ZNF552: variants seen among roughly 807,000 people sequenced by gnomAD.
ZNF552 encodes zinc finger protein 552.
ZNF552 carries 2 observed loss-of-function variants against 7.2 expected under a neutral mutation model. The ratio of observed to expected loss-of-function variants is 0.28; its 90% CI spans 0.11 to 0.88. The LOEUF is 0.88. Ranked by LOEUF, ZNF552 falls within the 40% of genes least tolerant of loss-of-function variation. The probability of loss-of-function intolerance (pLI) is 0.60; values close to 1 mark genes in which losing one functional copy is unlikely to be tolerated. For missense variants in ZNF552, 421 were observed against 493.4 expected, an observed-to-expected ratio of 0.85 and a Z score of 1.39; for synonymous variants, 173 against 176.5, an observed-to-expected ratio of 0.98 and a Z score of 0.16.
Position 57,807,173 on chromosome 19 carries a change from G to C in ZNF552, c.*867C>G, listed in dbSNP as rs999347088. ...GAGTAAATCAATGGTTGTCTGCATA[G>C]AGAAAAACTTTATAAAGGCTCCAGG... On this transcript the variant is annotated 3_prime_UTR_variant, in exon 3 of 3. Transcript: ENST00000391701. 7 of 152,126 alleles carry C rather than the reference G, an allele frequency of 4.6e-5. No individual in the cohort carries two copies. The highest frequency in any genetic ancestry group is 1.7e-4 in the African/African-American group (7 of 41,436). The allele number at this position is 152,126 out of a possible 1,614,324, so 9.4% of individuals were successfully genotyped here.
rs896376651 is a variant in ZNF552, at chr19:57,807,398, A to T, written c.*642T>A. 6.6e-6 allele frequency: 1 copy of T among 152,124 alleles called. No homozygotes were observed. Among genetic ancestry groups the T allele is most frequent in the African/African-American group, 2.4e-5 (1 of 41,414 alleles). 9.4% of individuals were successfully genotyped at this position (152,124 alleles called of 1,614,324 possible). ...AGGGTGAAACCCCATCTCTACTAAAAATACAAAAAAGGTAGGAGTGGTGGT... is the reference window on the plus strand; with the variant it reads ...AGGGTGAAACCCCATCTCTACTAAATATACAAAAAAGGTAGGAGTGGTGGT... On this transcript the variant is annotated 3_prime_UTR_variant, in exon 3 of 3. Transcript: ENST00000391701.
At chr19:57,809,895 G>C (rs1374493209) in intron 2 of ZNF552, among the ~76,000 whole-genome samples, 1 of 152,066 alleles carries the variant, frequency 6.6e-6, no homozygotes, top group Non-Finnish European at 1.5e-5. Flanking sequence ...AAGGCAAAGG[G>C]ATCACTCAGG....
At chr19:57,811,103 G>A (rs1425602822) in intron 2 of ZNF552, among the ~76,000 whole-genome samples, 1 of 152,026 alleles carries the variant, frequency 6.6e-6, no homozygotes, top group Admixed American at 6.5e-5. Context: ...ACTGGTGGCG[G>A]CAGGGGGAAG....
In ZNF552 at chr19:57,808,567, GTC is replaced by G; in HGVS notation, c.695_696del (p.Arg232ThrfsTer12). On this transcript the variant is annotated frameshift_variant, in exon 3 of 3. Transcript: ENST00000391701. LOFTEE classifies it low-confidence loss of function (END_TRUNC). ...STKDILSQHE[R>X]LLPTEEPSVW... is the part of the protein sequence containing the mutation. ...ACAGAAGGTTCTTCTGTAGGGAGCA[GTC>G]TCTCGTGCTGACTGAGTATATCTTT... 1 of 1,614,178 alleles carries G rather than the reference GTC, an allele frequency of 6.2e-7. No homozygotes were observed. Among genetic ancestry groups the G allele is most frequent in the South Asian group, 1.1e-5 (1 of 91,086 alleles).
At chr19:57,809,749 A>G (rs1248417551) in intron 2 of ZNF552, among the ~76,000 whole-genome samples, 2 of 152,166 alleles carry the variant, frequency 1.3e-5, no homozygotes, top group African/African-American at 2.4e-5. Context: ...TGTAAACCCA[A>G]TGTAGGAAGA....
chr19:57,810,933 T>C (rs901610578), intron 2 of ZNF552, among the ~76,000 whole-genome samples: 1 of 152,282 alleles, frequency 6.6e-6, no homozygotes, highest in African/African-American at 2.4e-5. Flanking sequence ...GAGATGTTTA[T>C]GTATATGCAC....
At chr19:57,811,098 T>G (rs1341680796) in intron 2 of ZNF552, among the ~76,000 whole-genome samples, 1 of 152,020 alleles carries the variant, frequency 6.6e-6, no homozygotes, top group East Asian at 1.9e-4. Context: ...CGGAGACTGG[T>G]GGCGGCAGGG....
At position 57,808,299 on chromosome 19, in the gene ZNF552, C is replaced by T. The variant is rs1482708703; in HGVS notation, c.965G>A (p.Arg322Lys). Residue 322 changes from arginine (R) to lysine (K), a missense_variant, in exon 3 of 3, where the codon AGG becomes AAG. Coordinates refer to ENST00000391701, the MANE Select transcript of ZNF552 (RefSeq NM_024762.3). ...CCCACAATCACTGCATTCATATGGC[C>T]TTTCTCCAGTGTGAACTCTCTGGTG... ...IAHQRVHTGE[R>K]PYECSDCGKS... 1 of 1,613,762 alleles carries T rather than the reference C, an allele frequency of 6.2e-7. No individual in the cohort carries two copies. The highest frequency in any genetic ancestry group is 8.5e-7 in the Non-Finnish European group (1 of 1,179,990).
chr19:57,808,460 A>T lies in ZNF552; in HGVS notation c.804T>A (p.Tyr268Ter). 6.2e-7 allele frequency: 1 copy of T among 1,613,936 alleles called. No homozygotes were observed. The highest frequency in any genetic ancestry group is 8.5e-7 in the Non-Finnish European group (1 of 1,179,910). Reference sequence around the variant, plus strand: ...ATAATTTCCCACATATCCCACACGTATAAGGTTTTTCTCTAGTGTGAACTC... The same window carrying T: ...ATAATTTCCCACATATCCCACACGTTTAAGGTTTTTCTCTAGTGTGAACTC... ...HQGVHTREKP[Y>*]TCGICGKLFN... The change falls in exon 3 of 3, where the codon TAT (tyrosine) becomes TAA (stop). Residue 268 changes from tyrosine to a stop codon, truncating the protein, a stop_gained. Transcript: ENST00000391701. LOFTEE classifies it low-confidence loss of function (END_TRUNC).
chr19:57,808,812 A>G lies in ZNF552; in HGVS notation c.452T>C (p.Val151Ala), dbSNP rs761600614. The G allele has an allele frequency of 9.3e-6, 15 of 1,613,876 alleles. No homozygotes were observed. Among genetic ancestry groups the G allele is most frequent in the Non-Finnish European group, 4.2e-6 (5 of 1,180,018 alleles). Residue 151 changes from valine to alanine, a missense_variant, in exon 3 of 3, where the codon GTT becomes GCT. Coordinates refer to ENST00000391701, the MANE Select transcript of ZNF552 (RefSeq NM_024762.3). ...HIGEKPYRGS[V>A]EEALFAKRCK... ...CCTCTTCGCAAACAACGCCTCCTCA[A>G]CACTCCCTCTGTAGGGTTTCTCTCC...
Position 57,808,613 on chromosome 19 carries a change from G to A in ZNF552, c.651C>T (p.Cys217=), listed in dbSNP as rs1987789930. 2 of 1,614,160 alleles carry A rather than the reference G, an allele frequency of 1.2e-6. No individual in the cohort carries two copies. Among genetic ancestry groups the A allele is most frequent in the Non-Finnish European group, 1.7e-6 (2 of 1,180,034 alleles). The change falls in exon 3 of 3, where the codon TGC becomes TGT. Residue 217 remains cysteine, a synonymous_variant. Coordinates refer to ENST00000391701, the MANE Select transcript of ZNF552 (RefSeq NM_024762.3). The part of the protein sequence containing the change: ...GGKSHYSCGG[C]MKHFSTKDIL... The stretch of plus-strand genomic sequence containing the variant: ...TATCTTTGGTGCTAAAATGTTTCAT[G>A]CATCCTCCACAGCTGTAATGGCTTT...
intron 2 of ZNF552, among the ~76,000 whole-genome samples, chr19:57,811,478 T>C (rs937558340): frequency 2.0e-5 from 3 of 152,068 alleles, no homozygotes; most frequent in Non-Finnish European, 4.4e-5. Flanking sequence ...TCTTTCTCTA[T>C]ATTTTGGATC....
At position 57,807,278 on chromosome 19, in the gene ZNF552, G is replaced by A. The variant is rs1987758980; in HGVS notation, c.*762C>T. On this transcript the variant is annotated 3_prime_UTR_variant, in exon 3 of 3. Coordinates refer to ENST00000391701, the MANE Select transcript of ZNF552 (RefSeq NM_024762.3). The stretch of plus-strand genomic sequence containing the variant: ...TTCATGGGATTATAAGAAAATTCAA[G>A]CCAGGAGCAGTGGCTCACGCCTGCA... 6.6e-6 allele frequency: 1 copy of A among 152,216 alleles called. No homozygotes were observed. Among genetic ancestry groups the A allele is most frequent in the South Asian group, 2.1e-4 (1 of 4,834 alleles). The allele number at this position is 152,216 out of a possible 1,614,324, so 9.4% of individuals were successfully genotyped here.
chr19:57,812,817 C>A (rs1375547565), intron 2 of ZNF552, among the ~76,000 whole-genome samples: 2 of 152,310 alleles, frequency 1.3e-5, no homozygotes, highest in East Asian at 3.9e-4. Flanking sequence ...AATCCACCTA[C>A]CTTGGCCTCC....
At chr19:57,811,983 C>T (rs1257463842) in intron 2 of ZNF552, among the ~76,000 whole-genome samples, 18 of 145,776 alleles carry the variant, frequency 1.2e-4, no homozygotes, top group African/African-American at 2.0e-4. Flanking sequence ...GAGCCAAGAT[C>T]GCACCACTAC....
chr19:57,809,081 A>G lies in ZNF552; in HGVS notation c.183T>C (p.Asp61=), dbSNP rs756213421. Reference sequence around the variant, plus strand: ...TACTCTGCTTAGAAGGTGCCGCCTCATCTTCCACTCCACACCAACAACCTG... The same window carrying G: ...TACTCTGCTTAGAAGGTGCCGCCTCGTCTTCCACTCCACACCAACAACCTG... ...SSLGCWCGVE[D]EAAPSKQSIY... is the part of the protein sequence containing the mutation. The change falls in exon 3 of 3, where the codon GAT becomes GAC. Residue 61 remains aspartate (D), a synonymous_variant. Transcript: ENST00000391701. 10 of 1,537,250 alleles carry G rather than the reference A, an allele frequency of 6.5e-6. No individual in the cohort carries two copies. Among genetic ancestry groups the G allele is most frequent in the Non-Finnish European group, 5.3e-6 (6 of 1,141,890 alleles).
Position 57,814,323 on chromosome 19 carries a change from T to C in ZNF552, c.33+388A>G, listed in dbSNP as rs1987916288. ...TTATTTATTTGGCCTTTAGGAAACT[T>C]TAAAAGCCTGGACTTTGATCCAGTC... is the stretch of plus-strand genomic sequence containing the variant. On this transcript the variant is annotated intron_variant, in intron 1 of 2. Transcript: ENST00000391701. 9.5e-6 allele frequency: 6 copies of C among 633,128 alleles called. No individual in the cohort carries two copies. In the South Asian group the frequency reaches 1.2e-4, roughly 13 times the overall value. 39.2% of individuals were successfully genotyped at this position (633,128 alleles called of 1,614,324 possible).
rs780942650 is a variant in ZNF552 at position 57,808,523 on chromosome 19, T to C, written c.741A>G (p.Lys247=). ...TGAAGCTGTCATATTTGCTAGAGGATTTCCCACATTCACACCACACAGAAG... is the reference window on the plus strand; with the variant it reads ...TGAAGCTGTCATATTTGCTAGAGGACTTCCCACATTCACACCACACAGAAG... ...EEPSVWCECG[K]SSSKYDSFSN... The change falls in exon 3 of 3, where the codon AAA becomes AAG. Residue 247 remains lysine, a synonymous_variant. Coordinates refer to ENST00000391701, the MANE Select transcript of ZNF552 (RefSeq NM_024762.3). 1 of 1,613,990 alleles carries C rather than the reference T, an allele frequency of 6.2e-7. No homozygotes were observed. Among genetic ancestry groups the C allele is most frequent in the Admixed American group, 1.7e-5 (1 of 60,010 alleles).
rs1401349593 is a variant in ZNF552 at position 57,808,635 on chromosome 19, CT to C, written c.628del (p.Ser210AlafsTer9). 20 of 1,614,044 alleles carry C rather than the reference CT, an allele frequency of 1.2e-5. No individual in the cohort carries two copies. The highest frequency in any genetic ancestry group is 1.6e-5 in the Non-Finnish European group (19 of 1,180,040). The part of the protein sequence containing the change: ...ECVSLFHGGK[S>X]HYSCGGCMKH... ...CATGCATCCTCCACAGCTGTAATGGCTTTTTCCCCCATGAAACAGAGACACA... is the reference window on the plus strand; with the variant it reads ...CATGCATCCTCCACAGCTGTAATGGCTTTTCCCCCATGAAACAGAGACACA... On this transcript the variant is annotated frameshift_variant, in exon 3 of 3. Coordinates refer to ENST00000391701, the MANE Select transcript of ZNF552 (RefSeq NM_024762.3). LOFTEE classifies it low-confidence loss of function (END_TRUNC).
Sources: gnomAD v4.1 joint callset for allele counts (sites outside exome capture counted in the v4.1 genomes callset) on GRCh38, gnomAD v4.1.1 for gene constraint, MANE v1.5 for transcripts, NCBI Gene and HGNC (gene_info 2026-07-23, HGNC 2026-07-21) for gene names.